Variants in BRWD1 observed in about 807,000 individuals in gnomAD.
BRWD1 encodes the protein bromodomain and WD repeat-containing protein 1.
Under a neutral mutation model 251.2 loss-of-function variants are expected in BRWD1, and 82 were observed. The ratio of observed to expected loss-of-function variants is 0.33; its 90% CI spans 0.27 to 0.39. The LOEUF is 0.39. BRWD1 is among the 10% of genes least tolerant of loss of function. The pLI, the probability that BRWD1 is intolerant of heterozygous loss-of-function variation, is 1.00. For missense variants in BRWD1, 2,233 were observed against 2,711.6 expected (o/e 0.82, Z 3.92); for synonymous variants, 918 against 902.8 (o/e 1.02, Z -0.30).
At chr21:39,314,434 C>T (rs1028242438), upstream of BRWD1, 1 of 427,452 alleles carries the variant, frequency 2.3e-6, no homozygotes, top group Non-Finnish European at 4.7e-6. Flanking sequence ...GAAAACGGGA[C>T]TGTGGGGAGA....
chr21:39,259,415 C>T (rs138695084), intron 17 of BRWD1, among the ~76,000 whole-genome samples: 2,321 of 152,212 alleles, frequency 0.015, 58 homozygotes, highest in African/African-American at 0.053. Flanking sequence ...CTCGGCCTCC[C>T]GACTAGCTGG....
rs2036574931 is a variant in BRWD1 at position 39,313,241 on chromosome 21, C to T, written c.108G>A (p.Gln36=). Residue 36 remains glutamine (Q), a splice_region_variant and synonymous_variant, in exon 2 of 41, where the codon CAG becomes CAA. Coordinates refer to ENST00000342449, the MANE Select transcript of BRWD1 (RefSeq NM_033656.4). ...LSAGPCRRAA[Q]VLVQELEQYQ... Reference sequence around the variant, plus strand: ...CAGCCGCCCGCGGGCCCGCACTCACCTGGGCCGCTCTCCGACACGGGCCCG... The same window carrying T: ...CAGCCGCCCGCGGGCCCGCACTCACTTGGGCCGCTCTCCGACACGGGCCCG... 9.1e-6 allele frequency: 14 copies of T among 1,544,034 alleles called. No individual in the cohort carries two copies. Among genetic ancestry groups the T allele is most frequent in the African/African-American group, 1.4e-5 (1 of 70,388 alleles).
chr21:39,241,302 C>T (rs1177123598), intron 21 of BRWD1, among the ~76,000 whole-genome samples: 1 of 150,234 alleles, frequency 6.7e-6, no homozygotes, highest in African/African-American at 2.4e-5. Flanking sequence ...CCTGTCTCTA[C>T]CAAAAACATA....
At chr21:39,320,404 G>A (rs138692222) in intron 1 of BRWD1, among the ~76,000 whole-genome samples, 50 of 152,134 alleles carry the variant, frequency 3.3e-4, no homozygotes, top group African/African-American at 1.1e-3. Context: ...GTGCAATCAC[G>A]TCTCACTGCA....
intron 29 of BRWD1, among the ~76,000 whole-genome samples, chr21:39,219,001 A>G (rs921538144): frequency 6.6e-6 from 1 of 151,266 alleles, no homozygotes; most frequent in East Asian, 1.9e-4. Context: ...GCTTACATAC[A>G]GTTAAAATTT....
rs1336311939 is a variant in BRWD1 at position 39,186,116 on chromosome 21, CAT to C, written c.*10141_*10142del. ...TAATTTTTAAGGTGCTGTAGAGAAA[CAT>C]AAAAGATTTCACTGTATCTAAAAAT... is the stretch of plus-strand genomic sequence containing the variant. On this transcript the variant is annotated 3_prime_UTR_variant, in exon 41 of 41. Coordinates refer to ENST00000342449, the MANE Select transcript of BRWD1 (RefSeq NM_033656.4). 1 of 152,118 alleles carries C rather than the reference CAT, an allele frequency of 6.6e-6. No individual in the cohort carries two copies. The highest frequency in any genetic ancestry group is 2.4e-5 in the African/African-American group (1 of 41,448). The allele number at this position is 152,118 out of a possible 1,614,324, so 9.4% of individuals were successfully genotyped here. A position where few individuals can be genotyped will look rare whatever the true frequency, so the allele number is the denominator to read the frequency against.
At chr21:39,296,002 T>C (rs1006673657) in intron 6 of BRWD1, 99 bp from the exon 7 acceptor site, 19 of 1,065,118 alleles carry the variant, frequency 1.8e-5, no homozygotes, top group Admixed American at 3.3e-5. Flanking sequence ...CAAAAATCTA[T>C]GTTCAAGAAG....
In BRWD1 at chr21:39,190,675, A is replaced by C. The variant is rs542555873; in HGVS notation, c.*5584T>G. The C allele has an allele frequency of 1.0e-6, 1 of 985,428 alleles. No individual in the cohort carries two copies. Among genetic ancestry groups the C allele is most frequent in the South Asian group, 4.7e-5 (1 of 21,290 alleles). 61.0% of individuals were successfully genotyped at this position (985,428 alleles called of 1,614,324 possible). ...CAATGATCTTCATCCCTCCCAAAGCAGAAGTTTCCAAAAACATCCCATAAA... is the reference window on the plus strand; with the variant it reads ...CAATGATCTTCATCCCTCCCAAAGCCGAAGTTTCCAAAAACATCCCATAAA... On this transcript the variant is annotated 3_prime_UTR_variant, in exon 41 of 41. Transcript: ENST00000342449.
intron 37 of BRWD1, 44 bp downstream of exon 37, chr21:39,206,064 A>G (rs1305973323): frequency 6.4e-7 from 1 of 1,562,174 alleles, no homozygotes; most frequent in East Asian, 2.3e-5. Flanking sequence ...ACTCTCTCCA[A>G]AATTAAATAA....
Position 39,190,360 on chromosome 21 carries a change from T to G in BRWD1, c.*5899A>C. ...AAGCATTATAAAATTTTCATTGGCA[T>G]TTTTAAAATTGGAGCATTTAAAACA... On this transcript the variant is annotated 3_prime_UTR_variant, in exon 41 of 41. Coordinates refer to ENST00000342449, the MANE Select transcript of BRWD1 (RefSeq NM_033656.4). The G allele has an allele frequency of 4.1e-6, 4 of 985,296 alleles. No homozygotes were observed. The highest frequency in any genetic ancestry group is 3.6e-6 in the Non-Finnish European group (3 of 829,790). 61.0% of individuals were successfully genotyped at this position (985,296 alleles called of 1,614,324 possible). A position where few individuals can be genotyped will look rare whatever the true frequency, so the allele number is the denominator to read the frequency against.
intron 9 of BRWD1, among the ~76,000 whole-genome samples, chr21:39,279,226 T>C (rs1313215987): frequency 6.6e-6 from 1 of 152,242 alleles, no homozygotes; most frequent in African/African-American, 2.4e-5. Context: ...CAGTGTGTAT[T>C]TGAGACTCAA....
chr21:39,222,016 C>T (rs2033196420), intron 29 of BRWD1, among the ~76,000 whole-genome samples: 6 of 151,854 alleles, frequency 4.0e-5, no homozygotes, highest in East Asian at 3.9e-4. Flanking sequence ...AAAGGCAAAT[C>T]GAAATCACAA....
chr21:39,274,906 GGCACATGCCTGTAATCGCA>G (rs560940888), intron 12 of BRWD1, among the ~76,000 whole-genome samples: 257 of 152,244 alleles, frequency 1.7e-3, no homozygotes, highest in African/African-American at 5.9e-3. Flanking sequence ...CAGGCGTGGT[GGCACATGCCTGTAATCGCA>G]GCTACTCAGG....
rs908949375 is a variant in BRWD1 at position 39,313,519 on chromosome 21, C to T, written c.-28G>A. 3.8e-6 allele frequency: 5 copies of T among 1,319,080 alleles called. No individual in the cohort carries two copies. The South Asian group carries it at 6.1e-5, about 16-fold the overall frequency. 81.7% of individuals were successfully genotyped at this position (1,319,080 alleles called of 1,614,324 possible). On this transcript the variant is annotated 5_prime_UTR_variant, in exon 1 of 41. Coordinates refer to ENST00000342449, the MANE Select transcript of BRWD1 (RefSeq NM_033656.4). ...CCGGGCGCGGGGCGGGAGGCGGGAG[C>T]GAGCGAGCGAGCGGAGCGTGTAGGC...
Position 39,195,625 on chromosome 21 carries a change from A to G in BRWD1, c.*634T>C. 3.0e-6 allele frequency: 3 copies of G among 984,464 alleles called. No homozygotes were observed. The highest frequency in any genetic ancestry group is 3.6e-6 in the Non-Finnish European group (3 of 828,698). The allele number at this position is 984,464 out of a possible 1,614,324, so 61.0% of individuals were successfully genotyped here. ...AATTCAAGTTTATAACATAAAAGTG[A>G]CAACGTTTTCCTTAAGAAGAAAAAA... On this transcript the variant is annotated 3_prime_UTR_variant, in exon 41 of 41. Coordinates refer to ENST00000342449, the MANE Select transcript of BRWD1 (RefSeq NM_033656.4).
intron 31 of BRWD1, chr21:39,217,072 TA>T (rs2032968031): frequency 8.9e-5 from 1 of 11,252 alleles, no homozygotes; most frequent in Non-Finnish European, 1.7e-4. Flanking sequence ...TATATATATA[TA>T]TATATATATA....
chr21:39,247,125 T>C (rs1232347737), intron 21 of BRWD1, among the ~76,000 whole-genome samples: 1 of 149,834 alleles, frequency 6.7e-6, no homozygotes, highest in Non-Finnish European at 1.5e-5. Context: ...AACAGGCAAA[T>C]GCAGAAAAAG....
chr21:39,316,981 T>G (rs2036705470), upstream of BRWD1: 6 of 152,330 alleles, frequency 3.9e-5, no homozygotes, highest in South Asian at 1.2e-3. Context: ...TACAAGAGCC[T>G]TGGGAGTCCT....
intron 13 of BRWD1, 49 bp from the exon 14 acceptor site, chr21:39,270,482 A>G: frequency 7.0e-7 from 1 of 1,419,878 alleles, no homozygotes; most frequent in South Asian, 1.3e-5. Context: ...GGCTGGCTAT[A>G]CAATGTATAC....
Sources: gnomAD v4.1 joint callset for allele counts (sites outside exome capture counted in the v4.1 genomes callset) on GRCh38, gnomAD v4.1.1 for gene constraint, MANE v1.5 for transcripts, NCBI Gene and HGNC (gene_info 2026-07-23, HGNC 2026-07-21) for gene names.